The following LLGL2 variants were observed in gnomAD, a reference collection of about 807,000 sequenced individuals.
LLGL2 encodes LLGL2, scribble cell polarity complex component.
LLGL2 carries 81 observed loss-of-function variants against 123.2 expected under a neutral mutation model. The observed-to-expected ratio is 0.66, with a 90% confidence interval of 0.55 to 0.79. LLGL2 has a LOEUF of 0.79. Among genes scored for constraint, LLGL2 ranks in the 30% least tolerant of loss-of-function variants. The pLI, the probability that LLGL2 is intolerant of heterozygous loss-of-function variation, is 0.00. For synonymous variants in LLGL2, 577 were observed against 594.1 expected (o/e 0.97, Z 0.42); for missense variants, 1,273 against 1,414.6 (o/e 0.90, Z 1.61).
At chr17:75,527,473 A>G (rs1157002878) in intron 1 of LLGL2, among the ~76,000 whole-genome samples, 1 of 152,188 alleles carries the variant, frequency 6.6e-6, no homozygotes, top group Non-Finnish European at 1.5e-5. Flanking sequence ...CCTTGAGGCA[A>G]GGGAGTTTCC....
rs1224773565 is a variant in LLGL2 at position 75,571,992 on chromosome 17, C to T, written c.2388C>T (p.Ala796=). The stretch of plus-strand genomic sequence containing the variant: ...CCCTTCCCGAGCCCCTCGAAGTGGC[C>T]CATGATCTGTCGAAGAGCCCTGACA... ...SVPLPEPLEV[A]HDLSKSPDMQ... is the part of the protein sequence containing the mutation. Residue 796 remains alanine, a synonymous_variant, in exon 19 of 26, where the codon GCC becomes GCT. Coordinates refer to ENST00000392550, the MANE Select transcript of LLGL2 (RefSeq NM_001031803.2). The T allele has an allele frequency of 6.2e-7, 1 of 1,612,908 alleles. No individual in the cohort carries two copies. Among genetic ancestry groups the T allele is most frequent in the South Asian group, 1.1e-5 (1 of 91,080 alleles).
chr17:75,536,946 G>C (rs929179026), intron 1 of LLGL2, among the ~76,000 whole-genome samples: 2 of 152,102 alleles, frequency 1.3e-5, no homozygotes, highest in Non-Finnish European at 2.9e-5. Flanking sequence ...TCCTGCCTCA[G>C]CCTCCCAAGT....
intron 14 of LLGL2, 52 bp from the exon 15 acceptor site, chr17:75,569,911 C>A: frequency 6.5e-7 from 1 of 1,529,834 alleles, no homozygotes; most frequent in Admixed American, 2.0e-5. Flanking sequence ...CATCCTGCGG[C>A]CCTGCCGTCC....
At chr17:75,573,748 C>G in intron 21 of LLGL2, 117 bp downstream of exon 21, 1 of 1,267,964 alleles carries the variant, frequency 7.9e-7, no homozygotes, top group African/African-American at 1.5e-5. Flanking sequence ...CTCAGCCCAC[C>G]CTCCCAGGCT....
At chr17:75,538,545 C>T (rs1169465455) in intron 1 of LLGL2, 1 of 152,186 alleles carries the variant, frequency 6.6e-6, no homozygotes, top group East Asian at 1.9e-4. Flanking sequence ...CGAGTGAGGA[C>T]TCGCTGTGTG....
Position 75,570,944 on chromosome 17 carries a change from T to C in LLGL2, c.2026-6T>C. The C allele has an allele frequency of 6.2e-7, 1 of 1,604,318 alleles. No individual in the cohort carries two copies. Among genetic ancestry groups the C allele is most frequent in the Non-Finnish European group, 8.5e-7 (1 of 1,174,910 alleles). On this transcript the variant is annotated splice_polypyrimidine_tract_variant and splice_region_variant and intron_variant, in intron 16 of 25. Transcript: ENST00000392550. ...GCTGACCCTTAGGCTGGCCCACCCC[T>C]TGCAGGCACAGGAGGGGAGTGCCAA... is the stretch of plus-strand genomic sequence containing the variant.
At chr17:75,556,478 CCT>C (rs2054920019) in intron 3 of LLGL2, among the ~76,000 whole-genome samples, 1 of 152,266 alleles carries the variant, frequency 6.6e-6, no homozygotes, top group Admixed American at 6.5e-5. Context: ...CTCAGTTTCC[CCT>C]CTCACCTATT....
intron 10 of LLGL2, among the ~76,000 whole-genome samples, chr17:75,566,027 AG>A (rs1454448434): frequency 1.3e-5 from 2 of 152,220 alleles, no homozygotes; most frequent in East Asian, 3.9e-4. Flanking sequence ...GGTTTAGACA[AG>A]GGTTGGCAAG....
At position 75,564,456 on chromosome 17, in the gene LLGL2, A is replaced by G; in HGVS notation, c.985A>G (p.Thr329Ala). 1 of 1,613,166 alleles carries G rather than the reference A, an allele frequency of 6.2e-7. No homozygotes were observed. The highest frequency in any genetic ancestry group is 1.1e-5 in the South Asian group (1 of 91,064). ...HDGQQTAFDF[T>A]SRVIGFTVLT... Reference sequence around the variant, plus strand: ...TGGCCAGCAGACGGCCTTCGACTTCACCTCCCGTGTCATCGGCTTCACTGT... The same window carrying G: ...TGGCCAGCAGACGGCCTTCGACTTCGCCTCCCGTGTCATCGGCTTCACTGT... Residue 329 changes from threonine to alanine, a missense_variant, in exon 10 of 26, where the codon ACC becomes GCC. Transcript: ENST00000392550. This position sits in a 1 kb window ranked among gnomAD's most constrained non-coding sequence, Gnocchi z 4.9.
intron 16 of LLGL2, 85 bp downstream of exon 16, chr17:75,570,583 C>G: frequency 6.9e-7 from 1 of 1,453,080 alleles, no homozygotes; most frequent in East Asian, 2.5e-5. Flanking sequence ...GGCCCCTGCT[C>G]CCCAGGCTTG....
At chr17:75,547,228 T>G (rs2054471224) in intron 2 of LLGL2, among the ~76,000 whole-genome samples, 1 of 152,108 alleles carries the variant, frequency 6.6e-6, no homozygotes, top group East Asian at 1.9e-4. Context: ...TTCCAGAGGA[T>G]CTGTGATTGC....
intron 1 of LLGL2, among the ~76,000 whole-genome samples, chr17:75,531,026 C>A (rs576085865): frequency 6.6e-6 from 1 of 152,224 alleles, no homozygotes; most frequent in South Asian, 2.1e-4. Context: ...CAGGATTAAA[C>A]CTGCTGTGAG....
chr17:75,560,586 A>C (rs570014903), intron 6 of LLGL2, among the ~76,000 whole-genome samples: 1 of 152,090 alleles, frequency 6.6e-6, no homozygotes. Flanking sequence ...TCCTGGGTTC[A>C]AGCTATTCTC....
intron 6 of LLGL2, among the ~76,000 whole-genome samples, chr17:75,560,977 G>A (rs2055193939): frequency 6.6e-6 from 1 of 152,040 alleles, no homozygotes; most frequent in Non-Finnish European, 1.5e-5. Context: ...GATTACAGGT[G>A]CACGCCATCA....
At chr17:75,547,985 A>G in intron 2 of LLGL2, among the ~76,000 whole-genome samples, 1 of 152,182 alleles carries the variant, frequency 6.6e-6, no homozygotes, top group Non-Finnish European at 1.5e-5. Context: ...ATATGGATTG[A>G]GCATACATGA....
In LLGL2 at chr17:75,559,022, C is replaced by A. The variant is rs1402931755; in HGVS notation, c.372-230C>A. ...CTGCACCCCGCCTCCTCCATCCGCA[C>A]CCCGTGTTATGCTGGAGGGTCCCTG... On this transcript the variant is annotated intron_variant, in intron 5 of 25. Coordinates refer to ENST00000392550, the MANE Select transcript of LLGL2 (RefSeq NM_001031803.2). The surrounding 1 kb of genome is among the most constrained non-coding windows in gnomAD (Gnocchi z 4.6). 1.7e-6 allele frequency: 1 copy of A among 600,280 alleles called. No homozygotes were observed. Among genetic ancestry groups the A allele is most frequent in the Non-Finnish European group, 2.9e-6 (1 of 340,906 alleles). 37.2% of individuals were successfully genotyped at this position (600,280 alleles called of 1,614,324 possible).
Position 75,573,138 on chromosome 17 carries a change from A to T in LLGL2, c.2585A>T (p.His862Leu), listed in dbSNP as rs2055803019. The part of the protein sequence containing the change: ...GSRRAEDYGE[H>L]HLAVLTNLGD... ...CGTCGAGCCGAGGACTACGGGGAGCACCACCTGGCAGTCCTTACCAACCTG... is the reference window on the plus strand; with the variant it reads ...CGTCGAGCCGAGGACTACGGGGAGCTCCACCTGGCAGTCCTTACCAACCTG... Residue 862 changes from histidine to leucine, a missense_variant, in exon 20 of 26, where the codon CAC (histidine) becomes CTC (leucine). His to Leu is a moderately conservative substitution (Grantham distance 99). Transcript: ENST00000392550. 1.2e-6 allele frequency: 2 copies of T among 1,612,932 alleles called. No individual in the cohort carries two copies. The highest frequency in any genetic ancestry group is 1.7e-6 in the Non-Finnish European group (2 of 1,179,998).
At chr17:75,546,588 AGGCG>A (rs1334275343) in intron 2 of LLGL2, among the ~76,000 whole-genome samples, 3,535 of 54,092 alleles carry the variant, frequency 0.065, 1,236 homozygotes, top group Middle Eastern at 0.27. Flanking sequence ...TCCAGCAGAC[AGGCG>A]GAGGGCAGGT....
chr17:75,529,852 T>C (rs771220620), intron 1 of LLGL2, among the ~76,000 whole-genome samples: 9 of 152,018 alleles, frequency 5.9e-5, no homozygotes, highest in Non-Finnish European at 1.3e-4. Context: ...AGAGCAAGAC[T>C]CCGTCTCAAA....
Sources: allele counts gnomAD v4.1 joint callset (sites outside exome capture counted in the v4.1 genomes callset), GRCh38; gene constraint gnomAD v4.1.1; non-coding constraint Gnocchi (gnomAD v3.1); transcripts MANE v1.5; gene names NCBI Gene and HGNC (gene_info 2026-07-23, HGNC 2026-07-21).